CDON: variants seen among roughly 807,000 people sequenced by gnomAD.
CDON encodes the protein cell adhesion associated, oncogene regulated.
CDON carries 73 observed loss-of-function variants against 120.9 expected under a neutral mutation model. The ratio of observed to expected loss-of-function variants is 0.60; its 90% CI spans 0.50 to 0.73. The LOEUF (loss-of-function observed/expected upper bound fraction) is 0.73, where lower values mean the gene tolerates loss of function less well. Among genes scored for constraint, CDON ranks in the 30% least tolerant of loss-of-function variants. The pLI is 0.00. For missense variants in CDON, 1,470 were observed against 1,587.3 expected, an observed-to-expected ratio of 0.93 and a Z score of 1.26; for synonymous variants, 566 against 573.5, an observed-to-expected ratio of 0.99 and a Z score of 0.19.
At chr11:126,003,139 T>C (rs1386818779) in intron 10 of CDON, among the ~76,000 whole-genome samples, 2 of 152,238 alleles carry the variant, frequency 1.3e-5, no homozygotes, top group African/African-American at 2.4e-5. Context: ...CCTTCTAATG[T>C]ACTTATAACT....
At chr11:125,962,117 G>A in intron 18 of CDON, 119 bp from the exon 19 acceptor site, 1 of 792,930 alleles carries the variant, frequency 1.3e-6, no homozygotes. Context: ...AAAGAGTGAT[G>A]CTTAAAAACA....
At chr11:125,983,324 G>A (rs1264924924) in intron 16 of CDON, among the ~76,000 whole-genome samples, 2 of 152,180 alleles carry the variant, frequency 1.3e-5, no homozygotes, top group African/African-American at 4.8e-5. Flanking sequence ...GGCCATCATC[G>A]ATGTTCAAGC....
At chr11:125,973,016 GT>G (rs1946046805) in intron 18 of CDON, among the ~76,000 whole-genome samples, 1 of 70,644 alleles carries the variant, frequency 1.4e-5, no homozygotes, top group Non-Finnish European at 2.8e-5. Flanking sequence ...CAATTACTTG[GT>G]CTTTTTTTTT....
chr11:125,994,705 C>G (rs2134522776), intron 13 of CDON, among the ~76,000 whole-genome samples, 166 bp downstream of exon 13: 1 of 152,304 alleles, frequency 6.6e-6, no homozygotes, highest in South Asian at 2.1e-4. Context: ...TAACCCTGCC[C>G]CTCCTCAAAA....
At chr11:126,012,595 G>A (rs1485574325) in intron 7 of CDON, among the ~76,000 whole-genome samples, 1 of 148,232 alleles carries the variant, frequency 6.7e-6, no homozygotes, top group Non-Finnish European at 1.5e-5. Flanking sequence ...TTTTAGTAGA[G>A]ACGGGGTTTC....
chr11:126,020,660 T>A (rs879093750), intron 3 of CDON, among the ~76,000 whole-genome samples: 1 of 152,214 alleles, frequency 6.6e-6, no homozygotes, highest in Admixed American at 6.5e-5. Flanking sequence ...GCCATCACCG[T>A]TTGAAACGCA....
chr11:126,031,553 T>C (rs1947945416), intron 1 of CDON, among the ~76,000 whole-genome samples: 1 of 152,180 alleles, frequency 6.6e-6, no homozygotes, highest in Admixed American at 6.5e-5. Context: ...ACCTCAAACA[T>C]TGTGCTTTGT....
At position 125,981,117 on chromosome 11, in the gene CDON, A is replaced by G. The variant is rs1946282224; in HGVS notation, c.3208T>C (p.Tyr1070His). 2.5e-6 allele frequency: 4 copies of G among 1,614,162 alleles called. No homozygotes were observed. The highest frequency in any genetic ancestry group is 1.7e-5 in the Admixed American group (1 of 60,024). Reference protein sequence around the residue: ...IVNGSLNGGLYSGHSNSLTRT... With the variant: ...IVNGSLNGGLHSGHSNSLTRT... ...GTTAGAGAGTTGCTGTGCCCGGAGT[A>G]AAGCCCTCCATTTAGGCTCCCATTC... The change falls in exon 17 of 20, where the codon TAC becomes CAC. Residue 1070 changes from tyrosine to histidine, a missense_variant. By Grantham distance (83) the Tyr-to-His change is moderately conservative. Transcript: ENST00000531738.
rs1446327059 is a variant in CDON, at chr11:125,957,549, T to C, written c.*3393A>G. 1 of 152,248 alleles carries C rather than the reference T, an allele frequency of 6.6e-6. No homozygotes were observed. Among genetic ancestry groups the C allele is most frequent in the Non-Finnish European group, 1.5e-5 (1 of 68,038 alleles). The allele number at this position is 152,248 out of a possible 1,614,324, so 9.4% of individuals were successfully genotyped here. A position where few individuals can be genotyped will look rare whatever the true frequency, so the allele number is the denominator to read the frequency against. ...AATATGTACAGTTTCACACACAATA[T>C]TACAACTTTAAGGAAAATAAAACAT... On this transcript the variant is annotated 3_prime_UTR_variant, in exon 20 of 20. Transcript: ENST00000531738.
intron 1 of CDON, among the ~76,000 whole-genome samples, chr11:126,053,955 T>C (rs1948628592): frequency 6.6e-6 from 1 of 152,148 alleles, no homozygotes; most frequent in Non-Finnish European, 1.5e-5. Context: ...GCAGGAAAAA[T>C]GTCTTATCCC....
At chr11:125,971,067 C>G (rs1945967922) in intron 18 of CDON, among the ~76,000 whole-genome samples, 2 of 152,014 alleles carry the variant, frequency 1.3e-5, no homozygotes, top group Non-Finnish European at 2.9e-5. Context: ...CTGGGTAGAT[C>G]AAACCTTAGG....
chr11:126,041,980 G>T (rs1002393223), intron 1 of CDON, among the ~76,000 whole-genome samples: 9 of 152,142 alleles, frequency 5.9e-5, no homozygotes, highest in Non-Finnish European at 1.2e-4. Flanking sequence ...TGCCTCCCAG[G>T]TTCAAGCGAT....
Position 125,980,945 on chromosome 11 carries a change from C to T in CDON, c.3276+104G>A. 4.3e-6 allele frequency: 5 copies of T among 1,171,678 alleles called. No individual in the cohort carries two copies. In the East Asian group the frequency reaches 1.2e-4, roughly 28 times the overall value. 72.6% of individuals were successfully genotyped at this position (1,171,678 alleles called of 1,614,324 possible). On this transcript the variant is annotated intron_variant, in intron 17 of 19. Transcript: ENST00000531738. ...TCCATGCTGTTTCCATTCGAGGAAA[C>T]TTGTGAGGTTTCTATACTGAACAAA...
At chr11:125,989,996 C>T (rs1296523773) in intron 14 of CDON, among the ~76,000 whole-genome samples, 2 of 152,116 alleles carry the variant, frequency 1.3e-5, no homozygotes, top group South Asian at 4.2e-4. Context: ...AAAACTATAT[C>T]TGTGTGTTGG....
chr11:125,982,230 TC>T (rs1215395433), intron 16 of CDON, among the ~76,000 whole-genome samples: 1 of 152,078 alleles, frequency 6.6e-6, no homozygotes, highest in Non-Finnish European at 1.5e-5. Context: ...CACCTCGGCT[TC>T]CCAAAGTGCT....
chr11:126,021,137 A>T (rs2134692673), intron 3 of CDON, 111 bp downstream of exon 3: 2 of 1,146,428 alleles, frequency 1.7e-6, no homozygotes, highest in Non-Finnish European at 2.5e-6. Flanking sequence ...TGAGATAAAA[A>T]CTCCTATATG....
chr11:126,000,954 T>A (rs752179473), intron 11 of CDON, among the ~76,000 whole-genome samples: 1 of 152,120 alleles, frequency 6.6e-6, no homozygotes, highest in Non-Finnish European at 1.5e-5. Flanking sequence ...AAGTGTGAAA[T>A]TGAAATACTA....
At chr11:126,039,548 A>G (rs533581858) in intron 1 of CDON, among the ~76,000 whole-genome samples, 1 of 152,342 alleles carries the variant, frequency 6.6e-6, no homozygotes, top group East Asian at 1.9e-4. Context: ...GATCAGTGTC[A>G]AAAAACAACT....
Position 126,021,377 on chromosome 11 carries a change from G to A in CDON, c.220C>T (p.His74Tyr). Reference sequence around the variant, plus strand: ...AGAGTCCCCTGATGAATCTTAACATGTTCCAGGTTTCCATCCAATGTTTTT... The same window carrying A: ...AGAGTCCCCTGATGAATCTTAACATATTCCAGGTTTCCATCCAATGTTTTT... ...NGKTLDGNLE[H>Y]VKIHQGTLTI... is the part of the protein sequence containing the mutation. Residue 74 changes from histidine (H) to tyrosine (Y), a missense_variant, in exon 3 of 20, where the codon CAT becomes TAT. Coordinates refer to ENST00000531738, the MANE Select transcript of CDON (RefSeq NM_001378964.1). The A allele has an allele frequency of 1.2e-6, 2 of 1,614,124 alleles. No individual in the cohort carries two copies. The highest frequency in any genetic ancestry group is 1.7e-6 in the Non-Finnish European group (2 of 1,180,014).
Sources: allele counts gnomAD v4.1 joint callset (sites outside exome capture counted in the v4.1 genomes callset), GRCh38; gene constraint gnomAD v4.1.1; transcripts MANE v1.5; gene names NCBI Gene and HGNC (gene_info 2026-07-23, HGNC 2026-07-21).